TMEM177: variants seen among roughly 807,000 people sequenced by gnomAD.
TMEM177 encodes transmembrane protein 177.
Under a neutral mutation model 14.2 loss-of-function variants are expected in TMEM177, and 4 were observed. The observed-to-expected ratio is 0.28, with a 90% CI of 0.14 to 0.64. TMEM177 has a LOEUF of 0.64. TMEM177 is among the 30% of genes least tolerant of loss of function. TMEM177 has a pLI of 0.82. For synonymous variants in TMEM177, 179 were observed against 174.5 expected, an observed-to-expected ratio of 1.03 and a Z score of -0.20; for missense variants, 344 against 405.2, an observed-to-expected ratio of 0.85 and a Z score of 1.30.
chr2:119,715,362 G>C, the TMEM177 span, among the ~76,000 whole-genome samples: 1 of 152,160 alleles, frequency 6.6e-6, no homozygotes, highest in African/African-American at 2.4e-5. Context: ...CTCCAGCCTG[G>C]ACAGCAGAGC....
the TMEM177 span, among the ~76,000 whole-genome samples, chr2:119,696,083 C>A: frequency 6.6e-6 from 1 of 152,190 alleles, no homozygotes; most frequent in East Asian, 1.9e-4. Flanking sequence ...GGGCTGTGAC[C>A]ATCTCATCTC....
intron 1 of TMEM177, among the ~76,000 whole-genome samples, chr2:119,679,918 T>G (rs1401506176): frequency 6.6e-6 from 1 of 152,228 alleles, no homozygotes; most frequent in Non-Finnish European, 1.5e-5. Context: ...TACCGGAGAC[T>G]GGGTGGCCCA....
the TMEM177 span, among the ~76,000 whole-genome samples, chr2:119,693,186 G>A: frequency 3.9e-5 from 6 of 152,048 alleles, no homozygotes; most frequent in East Asian, 5.8e-4. Context: ...GGCCGTGGCC[G>A]CAGTGAGGAG....
At chr2:119,706,738 A>T in the TMEM177 span, among the ~76,000 whole-genome samples, 4 of 152,254 alleles carry the variant, frequency 2.6e-5, no homozygotes, top group Admixed American at 1.3e-4. Flanking sequence ...GGACCGGTGA[A>T]GCTGCTCAAA....
In TMEM177 at chr2:119,681,794, C is replaced by T. The variant is rs755909842; in HGVS notation, c.*5C>T. 2 of 1,608,424 alleles carry T rather than the reference C, an allele frequency of 1.2e-6. No homozygotes were observed. Among genetic ancestry groups the T allele is most frequent in the Admixed American group, 1.7e-5 (1 of 59,808 alleles). On this transcript the variant is annotated 3_prime_UTR_variant, in exon 2 of 2. Transcript: ENST00000272521. ...CTCAATCCGGGCCGCTCCTGATGGG[C>T]TCATCACAAGGACACTTCCAGCTTG...
chr2:119,716,404 G>A, the TMEM177 span, among the ~76,000 whole-genome samples: 8 of 152,226 alleles, frequency 5.3e-5, no homozygotes, highest in South Asian at 2.1e-4. Context: ...AACAGAAGGC[G>A]TATTTGTGTG....
chr2:119,710,980 GC>G, the TMEM177 span, among the ~76,000 whole-genome samples: 1 of 152,136 alleles, frequency 6.6e-6, no homozygotes, highest in African/African-American at 2.4e-5. Flanking sequence ...ACGATCAAAT[GC>G]CCAGTGAAGC....
the TMEM177 span, among the ~76,000 whole-genome samples, chr2:119,704,426 C>T: frequency 4.6e-5 from 7 of 152,110 alleles, no homozygotes; most frequent in African/African-American, 7.2e-5. Context: ...GGTGAAACCC[C>T]GTCTGTACTA....
chr2:119,707,649 GC>G, the TMEM177 span, among the ~76,000 whole-genome samples: 15 of 152,346 alleles, frequency 9.8e-5, no homozygotes, highest in East Asian at 2.7e-3. Flanking sequence ...TCCATGGCAA[GC>G]TTGAAGGGAT....
the TMEM177 span, among the ~76,000 whole-genome samples, chr2:119,714,763 G>A: frequency 6.6e-6 from 1 of 151,672 alleles, no homozygotes; most frequent in Non-Finnish European, 1.5e-5. Flanking sequence ...AGTGATGAAG[G>A]CAAGAAAATG....
At position 119,681,220 on chromosome 2, in the gene TMEM177, G is replaced by T; in HGVS notation, c.367G>T (p.Val123Phe). 1.2e-6 allele frequency: 2 copies of T among 1,614,248 alleles called. No homozygotes were observed. Among genetic ancestry groups the T allele is most frequent in the Non-Finnish European group, 1.7e-6 (2 of 1,180,040 alleles). The change falls in exon 2 of 2, where the codon GTC (valine) becomes TTC (phenylalanine). Residue 123 changes from valine (V) to phenylalanine (F), a missense_variant. Coordinates refer to ENST00000272521, the MANE Select transcript of TMEM177 (RefSeq NM_030577.3). The part of the protein sequence containing the change: ...DLVINTNHPV[V>F]IHGHTVDWRS... ...AGTGATCAACACTAACCATCCCGTGGTCATACATGGGCATACAGTGGACTG... is the reference window on the plus strand; with the variant it reads ...AGTGATCAACACTAACCATCCCGTGTTCATACATGGGCATACAGTGGACTG...
At chr2:119,712,535 A>G in the TMEM177 span, among the ~76,000 whole-genome samples, 1 of 152,178 alleles carries the variant, frequency 6.6e-6, no homozygotes, top group Admixed American at 6.5e-5. Flanking sequence ...GCTCAGAGAA[A>G]AGGCCACATG....
intron 1 of TMEM177, among the ~76,000 whole-genome samples, 174 bp from the exon 2 acceptor site, chr2:119,680,658 T>A (rs1176853287): frequency 6.6e-6 from 1 of 152,166 alleles, no homozygotes; most frequent in African/African-American, 2.4e-5. Context: ...ATGGGGAAAT[T>A]GACGCACAGA....
chr2:119,708,018 C>T, the TMEM177 span, among the ~76,000 whole-genome samples: 3 of 152,252 alleles, frequency 2.0e-5, no homozygotes, highest in Non-Finnish European at 4.4e-5. Context: ...CCCTGTGCTA[C>T]AGCCCCTGCT....
the TMEM177 span, among the ~76,000 whole-genome samples, chr2:119,710,902 G>A: frequency 6.6e-6 from 1 of 152,084 alleles, no homozygotes; most frequent in African/African-American, 2.4e-5. Context: ...GAGCCACCAC[G>A]CCCGGCCCAA....
chr2:119,687,549 T>C (rs1341870384), downstream of TMEM177, among the ~76,000 whole-genome samples: 1 of 152,082 alleles, frequency 6.6e-6, no homozygotes, highest in Non-Finnish European at 1.5e-5. Context: ...TCAGATCTCT[T>C]GAGAACTCAC....
chr2:119,723,139 C>T, the TMEM177 span, among the ~76,000 whole-genome samples: 2 of 152,142 alleles, frequency 1.3e-5, no homozygotes, highest in Middle Eastern at 3.4e-3. Context: ...AAAGAGATGG[C>T]GCAAAAACAG....
downstream of TMEM177, among the ~76,000 whole-genome samples, chr2:119,683,976 C>T (rs909957157): frequency 6.0e-5 from 9 of 149,622 alleles, no homozygotes; most frequent in East Asian, 1.0e-3. Context: ...CAGTAGCTCT[C>T]GGCTCCATCC....
chr2:119,723,318 G>T, the TMEM177 span, among the ~76,000 whole-genome samples: 1 of 152,170 alleles, frequency 6.6e-6, no homozygotes, highest in African/African-American at 2.4e-5. Flanking sequence ...GAATACTGCG[G>T]CCTGAAAGAC....
Sources: allele counts gnomAD v4.1 joint callset (sites outside exome capture counted in the v4.1 genomes callset), GRCh38; gene constraint gnomAD v4.1.1; transcripts MANE v1.5; gene names NCBI Gene and HGNC (gene_info 2026-07-23, HGNC 2026-07-21).